The following PARP11 variants were observed in gnomAD, a reference collection of about 807,000 sequenced individuals.
PARP11 encodes poly(ADP-ribose) polymerase family member 11.
In PARP11, 31 loss-of-function variants were observed where a neutral mutation model predicts 42.9. The ratio of observed to expected loss-of-function variants is 0.72; its 90% CI spans 0.54 to 0.98. The LOEUF is 0.98. PARP11 is among the 50% of genes least tolerant of loss of function. The pLI is 0.00. For synonymous variants in PARP11, 137 were observed against 127.3 expected, an observed-to-expected ratio of 1.08 and a Z score of -0.51; for missense variants, 365 against 413.1, an observed-to-expected ratio of 0.88 and a Z score of 1.01.
chr12:3,814,269 T>C (rs1308071852), intron 6 of PARP11, 81 bp from the exon 7 acceptor site: 1 of 1,151,834 alleles, frequency 8.7e-7, no homozygotes, highest in Non-Finnish European at 1.2e-6. Flanking sequence ...TGAGCAAGGT[T>C]CAATAGAAAG....
At position 3,812,055 on chromosome 12, in the gene PARP11, G is replaced by A; in HGVS notation, c.*68C>T. ...GATAATTAACATTTAGTGGCTAGATGACTGAAGAGCAAACCTTCCTGCAAA... is the reference window on the plus strand; with the variant it reads ...GATAATTAACATTTAGTGGCTAGATAACTGAAGAGCAAACCTTCCTGCAAA... On this transcript the variant is annotated 3_prime_UTR_variant, in exon 8 of 8. Transcript: ENST00000228820. 8.6e-7 allele frequency: 1 copy of A among 1,169,038 alleles called. No homozygotes were observed. Among genetic ancestry groups the A allele is most frequent in the Non-Finnish European group, 1.2e-6 (1 of 823,900 alleles). The allele number at this position is 1,169,038 out of a possible 1,614,324, so 72.4% of individuals were successfully genotyped here.
chr12:3,839,658 T>A, intron 1 of PARP11: 1 of 969,246 alleles, frequency 1.0e-6, no homozygotes, highest in Non-Finnish European at 1.7e-6. Flanking sequence ...ATTTTATAAC[T>A]AATCTGGAAC....
At chr12:3,842,054 C>A in intron 1 of PARP11, 1 of 1,608,422 alleles carries the variant, frequency 6.2e-7, no homozygotes, top group Non-Finnish European at 8.5e-7. Context: ...GAGGGAAAGG[C>A]TCACCCTCCC....
At position 3,829,005 on chromosome 12, in the gene PARP11, A is replaced by C. The variant is rs1001175802; in HGVS notation, c.173T>G (p.Val58Gly). 2 of 1,614,072 alleles carry C rather than the reference A, an allele frequency of 1.2e-6. No homozygotes were observed. The highest frequency in any genetic ancestry group is 1.7e-6 in the Non-Finnish European group (2 of 1,179,932). ...GCTTTTTTCGATATCTTCACTGCTAACTGAACACTGACTGTTGGTATCCGG... is the reference window on the plus strand; with the variant it reads ...GCTTTTTTCGATATCTTCACTGCTACCTGAACACTGACTGTTGGTATCCGG... ...FQPDTNSQCS[V>G]SSEDIEKSFK... The change falls in exon 3 of 8, where the codon GTT (valine) becomes GGT (glycine). Residue 58 changes from valine to glycine, a missense_variant. Val to Gly is a moderately radical substitution (Grantham distance 109, BLOSUM62 -3). Coordinates refer to ENST00000228820, the MANE Select transcript of PARP11 (RefSeq NM_020367.6).
rs1284910182 is a variant in PARP11 at position 3,861,908 on chromosome 12, C to T, written c.18+11304G>A. On this transcript the variant is annotated intron_variant, in intron 1 of 7. Coordinates refer to ENST00000228820, the MANE Select transcript of PARP11 (RefSeq NM_020367.6). The surrounding 1 kb of genome is among the most constrained non-coding windows in gnomAD (Gnocchi z 4.6). ...GGCGTGGTGGAGGGTGCCTATAGTC[C>T]CAGCTACTCGGGAGGCTGAGACAGG... Among the ~76,000 whole-genome samples the T allele has an allele frequency of 6.6e-6, 1 of 151,932 alleles. No individual in the cohort carries two copies. Among genetic ancestry groups the T allele is most frequent in the East Asian group, 1.9e-4 (1 of 5,176 alleles).
intron 1 of PARP11, among the ~76,000 whole-genome samples, chr12:3,864,198 A>G (rs180953230): frequency 9.2e-5 from 14 of 152,298 alleles, no homozygotes; most frequent in Admixed American, 8.5e-4. Flanking sequence ...GAATCACCAC[A>G]TAGTTTTTCA....
In PARP11 at chr12:3,814,140, T is replaced by C. The variant is rs1947236132; in HGVS notation, c.597A>G (p.Glu199=). The part of the protein sequence containing the change: ...KKKRGVPQIN[E]QMLFHGTSSE... ...TGCTGGTACCATGAAACAGCATTTG[T>C]TCATTAATCTGAGGCACACCTCTTT... Residue 199 remains glutamate, a synonymous_variant, in exon 7 of 8, where the codon GAA becomes GAG. Coordinates refer to ENST00000228820, the MANE Select transcript of PARP11 (RefSeq NM_020367.6). 1 of 1,609,106 alleles carries C rather than the reference T, an allele frequency of 6.2e-7. No individual in the cohort carries two copies. Among genetic ancestry groups the C allele is most frequent in the Non-Finnish European group, 8.5e-7 (1 of 1,177,024 alleles).
Position 3,847,367 on chromosome 12 carries a change from CAA to C in PARP11, c.19-17351_19-17350del, listed in dbSNP as rs1176229200. Among the ~76,000 whole-genome samples the C allele has an allele frequency of 2.6e-5, 4 of 152,028 alleles. No homozygotes were observed. In the East Asian group the frequency reaches 7.7e-4, roughly 29 times the overall value. On this transcript the variant is annotated intron_variant, in intron 1 of 7. Transcript: ENST00000228820. ...CAAAACCCAATAAGGACACAACAAA[CAA>C]AGAAAACCATAGGCCAATATCACCC... is the stretch of plus-strand genomic sequence containing the variant.
intron 1 of PARP11, among the ~76,000 whole-genome samples, chr12:3,837,666 GA>G (rs34964628): frequency 6.3e-4 from 89 of 141,898 alleles, no homozygotes; most frequent in East Asian, 1.4e-3. Context: ...GAATGGCGAA[GA>G]AAAAAAAAAA....
At chr12:3,858,013 T>G (rs978360542) in intron 1 of PARP11, among the ~76,000 whole-genome samples, 1 of 152,138 alleles carries the variant, frequency 6.6e-6, no homozygotes, top group African/African-American at 2.4e-5. Flanking sequence ...TTGCCAACAC[T>G]CGGAAAACAA....
chr12:3,819,736 G>A (rs141113424), intron 6 of PARP11, among the ~76,000 whole-genome samples: 4 of 152,102 alleles, frequency 2.6e-5, no homozygotes, highest in Admixed American at 6.5e-5. Context: ...TCTAGCCCCC[G>A]CTAACTCTCT....
At position 3,811,462 on chromosome 12, in the gene PARP11, A is replaced by C. The variant is rs1370233390; in HGVS notation, c.*661T>G. On this transcript the variant is annotated 3_prime_UTR_variant, in exon 8 of 8. Transcript: ENST00000228820. The stretch of plus-strand genomic sequence containing the variant: ...AATTATCAATTCAGATGTGGGAGAC[A>C]GAGGAGAATGACAGGATCAAGTCTG... The C allele has an allele frequency of 5.3e-5, 8 of 152,254 alleles. No individual in the cohort carries two copies. Among genetic ancestry groups the C allele is most frequent in the Admixed American group, 5.2e-4 (8 of 15,276 alleles). 9.4% of individuals were successfully genotyped at this position (152,254 alleles called of 1,614,324 possible). A position where few individuals can be genotyped will look rare whatever the true frequency, so the allele number is the denominator to read the frequency against.
intron 1 of PARP11, among the ~76,000 whole-genome samples, chr12:3,866,372 T>C (rs1314639659): frequency 6.6e-6 from 1 of 152,202 alleles, no homozygotes; most frequent in Non-Finnish European, 1.5e-5. Context: ...GGCTCAGTCC[T>C]AGCCCTTCTT....
Position 3,861,799 on chromosome 12 carries a change from C to T in PARP11, c.18+11413G>A, listed in dbSNP as rs547170875. Among the ~76,000 whole-genome samples, 6 of 150,616 alleles carry T rather than the reference C, an allele frequency of 4.0e-5. No individual in the cohort carries two copies. The highest frequency in any genetic ancestry group is 7.4e-5 in the Non-Finnish European group (5 of 67,614). On this transcript the variant is annotated intron_variant, in intron 1 of 7. Transcript: ENST00000228820. The surrounding 1 kb of genome is among the most constrained non-coding windows in gnomAD (Gnocchi z 4.6). Reference sequence around the variant, plus strand: ...CAGTACTTTGGGAGGCCGAGGCGGGCGGATCACGAGGTCAGGAGATTGAGA... The same window carrying T: ...CAGTACTTTGGGAGGCCGAGGCGGGTGGATCACGAGGTCAGGAGATTGAGA...
In PARP11 at chr12:3,814,066, T is replaced by C. The variant is rs752549212; in HGVS notation, c.671A>G (p.Asn224Ser). The C allele has an allele frequency of 6.0e-5, 96 of 1,604,556 alleles. No individual in the cohort carries two copies. The highest frequency in any genetic ancestry group is 3.4e-5 in the Non-Finnish European group (40 of 1,174,214). ...TCCAAAGACAGCACCATGTATACCA[T>C]TTATTCTCCAATCAAAGTTATGAAT... ...ICIHNFDWRI[N>S]GIHGAVFGKG... The change falls in exon 7 of 8, where the codon AAT becomes AGT. Residue 224 changes from asparagine (N) to serine (S), a missense_variant. Asn to Ser is a conservative substitution (Grantham distance 46). Coordinates refer to ENST00000228820, the MANE Select transcript of PARP11 (RefSeq NM_020367.6).
chr12:3,811,987 T>G lies in PARP11; in HGVS notation c.*136A>C, dbSNP rs1947187419. The G allele has an allele frequency of 1.4e-5, 9 of 654,242 alleles. No homozygotes were observed. In the South Asian group the frequency reaches 2.1e-4, roughly 15 times the overall value. 40.5% of individuals were successfully genotyped at this position (654,242 alleles called of 1,614,324 possible). A position where few individuals can be genotyped will look rare whatever the true frequency, so the allele number is the denominator to read the frequency against. ...CAACCTTGAAGTCAGTATGTCTTTT[T>G]ATATGGAGGCCACTTTTTTTCATAT... On this transcript the variant is annotated 3_prime_UTR_variant, in exon 8 of 8. Transcript: ENST00000228820.
chr12:3,864,163 T>C (rs917926029), intron 1 of PARP11, among the ~76,000 whole-genome samples: 1 of 152,224 alleles, frequency 6.6e-6, no homozygotes, highest in African/African-American at 2.4e-5. Flanking sequence ...TTCGATTTTG[T>C]CAAAGGCTTT....
rs886512237 is a variant in PARP11, at chr12:3,825,489, G to A, written c.344+669C>T. Among the ~76,000 whole-genome samples, 11 of 152,138 alleles carry A rather than the reference G, an allele frequency of 7.2e-5. 1 individual carries two copies. The highest frequency in any genetic ancestry group is 2.7e-4 in the African/African-American group (11 of 41,432). On this transcript the variant is annotated intron_variant, in intron 4 of 7. Transcript: ENST00000228820. Reference sequence around the variant, plus strand: ...CAACTACCTAATTCTTACGGCCCCAGTAATTGTATGGCTCTGAGAGAGTAC... The same window carrying A: ...CAACTACCTAATTCTTACGGCCCCAATAATTGTATGGCTCTGAGAGAGTAC...
intron 1 of PARP11, among the ~76,000 whole-genome samples, chr12:3,862,804 A>G (rs143223892): frequency 2.1e-3 from 316 of 152,224 alleles, no homozygotes; most frequent in African/African-American, 7.1e-3. Flanking sequence ...CTTGATGCCA[A>G]TACTACACTG....
Sources: allele counts gnomAD v4.1 joint callset (sites outside exome capture counted in the v4.1 genomes callset), GRCh38; gene constraint gnomAD v4.1.1; non-coding constraint Gnocchi (gnomAD v3.1); transcripts MANE v1.5; gene names NCBI Gene and HGNC (gene_info 2026-07-23, HGNC 2026-07-21).